The following PDE4D variants were observed in gnomAD, a reference collection of about 807,000 sequenced individuals.
The protein encoded by PDE4D is 3',5'-cyclic-AMP phosphodiesterase 4D.
PDE4D carries 24 observed loss-of-function variants against 87.4 expected under a neutral mutation model. The observed-to-expected ratio is 0.27, with a 90% CI of 0.20 to 0.39. The LOEUF (loss-of-function observed/expected upper bound fraction) is 0.39. PDE4D is among the 10% of genes least tolerant of loss of function. PDE4D has a pLI of 1.00. For synonymous variants in PDE4D, 384 were observed against 383.2 expected (o/e 1.00, Z -0.02); for missense variants, 714 against 1,041.0 (o/e 0.69, Z 4.32).
chr5:59,713,673 C>A (rs915339930), intron 1 of PDE4D, among the ~76,000 whole-genome samples: 1 of 152,176 alleles, frequency 6.6e-6, no homozygotes, highest in Non-Finnish European at 1.5e-5. Flanking sequence ...GTTGTGGTAC[C>A]TGGTCACAGC....
chr5:59,195,260 C>G (rs1340235093), intron 2 of PDE4D, among the ~76,000 whole-genome samples: 2 of 151,968 alleles, frequency 1.3e-5, no homozygotes, highest in Non-Finnish European at 2.9e-5. Flanking sequence ...CATAATTTAC[C>G]TTGACTCTCA....
chr5:60,320,303 G>C (rs1473709081), intron 1 of PDE4D, among the ~76,000 whole-genome samples: 1 of 152,226 alleles, frequency 6.6e-6, no homozygotes, highest in Non-Finnish European at 1.5e-5. Context: ...ATAATCTCCT[G>C]GTGTGCCATT....
At chr5:59,169,496 G>A (rs1782429599) in intron 5 of PDE4D, among the ~76,000 whole-genome samples, 1 of 152,114 alleles carries the variant, frequency 6.6e-6, no homozygotes, top group Non-Finnish European at 1.5e-5. Flanking sequence ...AATCTTGTAT[G>A]TATTTTGAGA....
chr5:59,902,612 C>A (rs1219513811), intron 3 of PDE4D, among the ~76,000 whole-genome samples: 1 of 152,056 alleles, frequency 6.6e-6, no homozygotes, highest in Non-Finnish European at 1.5e-5. Context: ...ATATTATATG[C>A]TCTATAACCT....
At chr5:60,296,107 G>A (rs1753357550) in intron 1 of PDE4D, among the ~76,000 whole-genome samples, 1 of 152,076 alleles carries the variant, frequency 6.6e-6, no homozygotes, top group Admixed American at 6.5e-5. Context: ...ACCCCCTAGA[G>A]GCCTCAACTC....
intron 1 of PDE4D, among the ~76,000 whole-genome samples, chr5:59,271,434 A>G (rs1306410178): frequency 6.6e-6 from 1 of 152,150 alleles, no homozygotes; most frequent in Non-Finnish European, 1.5e-5. Flanking sequence ...TGAAAATGAG[A>G]ATAACTGAGG....
At chr5:60,076,260 G>A (rs774003923) in intron 2 of PDE4D, among the ~76,000 whole-genome samples, 58 of 151,966 alleles carry the variant, frequency 3.8e-4, no homozygotes, top group African/African-American at 8.7e-4. Flanking sequence ...CCGTGTTCAC[G>A]CCATTCTCCT....
intron 1 of PDE4D, among the ~76,000 whole-genome samples, chr5:60,226,312 T>A (rs796854297): frequency 6.6e-6 from 1 of 152,206 alleles, no homozygotes; most frequent in African/African-American, 2.4e-5. Flanking sequence ...AATTCCCAGT[T>A]GTGAACTATA....
intron 1 of PDE4D, among the ~76,000 whole-genome samples, chr5:60,381,573 A>C (rs1761863204): frequency 6.6e-6 from 1 of 152,206 alleles, no homozygotes; most frequent in African/African-American, 2.4e-5. Flanking sequence ...GATGACACCA[A>C]ATTTCCAAGG....
chr5:59,423,815 C>CT (rs34296140), intron 1 of PDE4D, among the ~76,000 whole-genome samples: 60,306 of 142,336 alleles, frequency 0.42, 13,410 homozygotes, highest in Non-Finnish European at 0.52. Context: ...GGAATGTAAC[C>CT]TTTTTTTTTT....
At chr5:59,111,837 A>G (rs934420388) in intron 5 of PDE4D, among the ~76,000 whole-genome samples, 2 of 152,246 alleles carry the variant, frequency 1.3e-5, no homozygotes, top group Admixed American at 6.5e-5. Context: ...TCGATAATTC[A>G]TTTATTCAAG....
chr5:60,200,030 C>T (rs1490889631), intron 1 of PDE4D, among the ~76,000 whole-genome samples: 1 of 151,518 alleles, frequency 6.6e-6, no homozygotes, highest in East Asian at 1.9e-4. Context: ...CAAGAGCACT[C>T]AATTGGAAAA....
intron 3 of PDE4D, among the ~76,000 whole-genome samples, chr5:59,961,309 A>G (rs1759444413): frequency 6.6e-6 from 1 of 151,916 alleles, no homozygotes; most frequent in South Asian, 2.1e-4. Flanking sequence ...GATTAAAAAA[A>G]AAAAAAAGGC....
At chr5:60,045,669 T>C (rs1769138512) in intron 2 of PDE4D, among the ~76,000 whole-genome samples, 6 of 152,200 alleles carry the variant, frequency 3.9e-5, no homozygotes, top group Admixed American at 3.9e-4. Context: ...GATCAGATAG[T>C]TGTAGATATG....
At chr5:59,195,449 C>T (rs1201662624) in intron 2 of PDE4D, among the ~76,000 whole-genome samples, 3 of 152,148 alleles carry the variant, frequency 2.0e-5, no homozygotes, top group Non-Finnish European at 4.4e-5. Flanking sequence ...GAAGCAGATA[C>T]AGAGCTGCAA....
chr5:60,414,558 A>G (rs1214970718), intron 1 of PDE4D, among the ~76,000 whole-genome samples: 1 of 152,254 alleles, frequency 6.6e-6, no homozygotes, highest in Non-Finnish European at 1.5e-5. Flanking sequence ...GTTAAAGATC[A>G]GCAAAGTATT....
chr5:60,057,380 G>C (rs1042687382), intron 2 of PDE4D, among the ~76,000 whole-genome samples: 5 of 151,920 alleles, frequency 3.3e-5, no homozygotes, highest in Non-Finnish European at 7.4e-5. Context: ...ACATATGCCT[G>C]GAATTCAGTC....
intron 1 of PDE4D, among the ~76,000 whole-genome samples, chr5:59,840,246 A>ACACACACC (rs1742778672): frequency 6.6e-6 from 1 of 151,504 alleles, no homozygotes; most frequent in African/African-American, 2.4e-5. Flanking sequence ...ACACACACAC[A>ACACACACC]CACACACACA....
intron 1 of PDE4D, chr5:59,313,992 A>C (rs959671774): frequency 6.6e-6 from 1 of 152,192 alleles, no homozygotes; most frequent in Non-Finnish European, 1.5e-5. Flanking sequence ...AAGATCTATA[A>C]TATCTCTTTC....
Sources: gnomAD v4.1 joint callset for allele counts (sites outside exome capture counted in the v4.1 genomes callset) on GRCh38, gnomAD v4.1.1 for gene constraint, MANE v1.5 for transcripts, NCBI Gene and HGNC (gene_info 2026-07-23, HGNC 2026-07-21) for gene names.